CNTN4: variants seen among roughly 807,000 people sequenced by gnomAD.
CNTN4 encodes the protein contactin-4.
Under a neutral mutation model 122.5 loss-of-function variants are expected in CNTN4, and 77 were observed. That is an observed-to-expected ratio of 0.63 (90% CI 0.52 to 0.76). The LOEUF is 0.76. CNTN4 is among the 30% of genes least tolerant of loss of function. CNTN4 has a pLI of 0.00. For synonymous variants in CNTN4, 512 were observed against 447.0 expected (o/e 1.15, Z -1.83); for missense variants, 1,256 against 1,259.1 (o/e 1.00, Z 0.04).
chr3:2,141,702 T>C lies in CNTN4; in HGVS notation c.-145+41063T>C, dbSNP rs138312906. 1.4e-3 allele frequency among the ~76,000 whole-genome samples: 210 copies of C among 152,298 alleles called. 1 individual carries two copies. Among genetic ancestry groups the C allele is most frequent in the African/African-American group, 4.6e-3 (193 of 41,582 alleles). On this transcript the variant is annotated intron_variant, in intron 2 of 24. Transcript: ENST00000418658. ...CATATTCTAAAATCATATAGCTCCC[T>C]GAGTGTCAAACTGATAACTACATAA...
intron 2 of CNTN4, among the ~76,000 whole-genome samples, chr3:2,115,066 C>G (rs2033245984): frequency 6.6e-6 from 1 of 152,196 alleles, no homozygotes; most frequent in South Asian, 2.1e-4. Context: ...AGCCCACCCT[C>G]CTAATAGGCA....
intron 3 of CNTN4, among the ~76,000 whole-genome samples, chr3:2,410,509 A>AT (rs2047190868): frequency 1.3e-5 from 2 of 152,128 alleles, no homozygotes; most frequent in Admixed American, 1.3e-4. Context: ...GTAATCCTCC[A>AT]TTTTATCCTC....
intron 6 of CNTN4, among the ~76,000 whole-genome samples, chr3:2,785,138 C>CACAT (rs140652217): frequency 0.051 from 6,890 of 136,064 alleles, 200 homozygotes; most frequent in African/African-American, 0.076. Flanking sequence ...CACACACACA[C>CACAT]ATATATATAG....
At position 3,056,289 on chromosome 3, in the gene CNTN4, C is replaced by CA; in HGVS notation, c.*70dup. On this transcript the variant is annotated 3_prime_UTR_variant, in exon 25 of 25. Transcript: ENST00000418658. Reference sequence around the variant, plus strand: ...TTTAGCTAGTTGTTTTGAAGACACCCAGTACTAAGTAATATTGTTGTTCAA... The same window carrying CA: ...TTTAGCTAGTTGTTTTGAAGACACCCAAGTACTAAGTAATATTGTTGTTCAA... The CA allele has an allele frequency of 9.1e-7, 1 of 1,096,806 alleles. No individual in the cohort carries two copies. The highest frequency in any genetic ancestry group is 1.4e-6 in the Non-Finnish European group (1 of 711,872). The allele number at this position is 1,096,806 out of a possible 1,614,324, so 67.9% of individuals were successfully genotyped here.
Position 2,430,874 on chromosome 3 carries a change from A to G in CNTN4, c.-89+91641A>G, listed in dbSNP as rs555891810. Among the ~76,000 whole-genome samples the G allele has an allele frequency of 2.6e-5, 4 of 152,292 alleles. No individual in the cohort carries two copies. In the South Asian group the frequency reaches 8.3e-4, roughly 32 times the overall value. ...CAGATGTGCTCAAATTATGCAACAGACTTATCTAAACAGCTCATGGGTCTT... is the reference window on the plus strand; with the variant it reads ...CAGATGTGCTCAAATTATGCAACAGGCTTATCTAAACAGCTCATGGGTCTT... On this transcript the variant is annotated intron_variant, in intron 3 of 24. Coordinates refer to ENST00000418658, the MANE Select transcript of CNTN4 (RefSeq NM_175607.3).
chr3:2,239,983 C>T (rs1300076804), intron 2 of CNTN4, among the ~76,000 whole-genome samples: 1 of 152,172 alleles, frequency 6.6e-6, no homozygotes, highest in Non-Finnish European at 1.5e-5. Flanking sequence ...TTTCTCTCTT[C>T]CTGCATAGGT....
intron 2 of CNTN4, among the ~76,000 whole-genome samples, chr3:2,277,524 T>C (rs2041560381): frequency 6.6e-6 from 1 of 152,202 alleles, no homozygotes; most frequent in Admixed American, 6.5e-5. Flanking sequence ...TTTATTTTTT[T>C]CTTTCTGGTC....
At chr3:2,804,737 C>CTTTAGT (rs1553643947) in intron 6 of CNTN4, among the ~76,000 whole-genome samples, 1 of 144,874 alleles carries the variant, frequency 6.9e-6, no homozygotes. Flanking sequence ...ATTTTGAGCA[C>CTTTAGT]TTTTTTTTTG....
intron 18 of CNTN4, chr3:3,037,621 C>A: frequency 2.4e-6 from 1 of 415,950 alleles, no homozygotes; most frequent in Non-Finnish European, 4.5e-6. Flanking sequence ...CACCAAGATT[C>A]TAACAGAATT....
intron 3 of CNTN4, among the ~76,000 whole-genome samples, chr3:2,364,295 C>T (rs569083268): frequency 2.8e-4 from 43 of 152,066 alleles, no homozygotes; most frequent in Non-Finnish European, 5.7e-4. Context: ...TTATAAGGTG[C>T]CTAGCAGAGT....
intron 13 of CNTN4, among the ~76,000 whole-genome samples, chr3:2,941,442 C>G (rs907821642): frequency 1.3e-5 from 2 of 152,206 alleles, no homozygotes; most frequent in Non-Finnish European, 2.9e-5. Context: ...CCACCAGTCT[C>G]CACCCTGAAC....
chr3:2,748,238 A>C (rs189487210), intron 6 of CNTN4, among the ~76,000 whole-genome samples: 1 of 152,312 alleles, frequency 6.6e-6, no homozygotes, highest in Non-Finnish European at 1.5e-5. Flanking sequence ...TTGCAACTTT[A>C]TTTTAAACAT....
chr3:2,880,622 C>G (rs923575115), intron 8 of CNTN4, among the ~76,000 whole-genome samples: 2 of 152,216 alleles, frequency 1.3e-5, no homozygotes, highest in Admixed American at 6.5e-5. Flanking sequence ...AGAACTCAGA[C>G]AGCAGAGGCT....
At chr3:2,427,591 C>T (rs2047889582) in intron 3 of CNTN4, among the ~76,000 whole-genome samples, 1 of 152,182 alleles carries the variant, frequency 6.6e-6, no homozygotes, top group Non-Finnish European at 1.5e-5. Context: ...ATTAGGTCCG[C>T]TTGGTGCAGA....
intron 4 of CNTN4, among the ~76,000 whole-genome samples, chr3:2,696,836 G>A (rs1949344): frequency 0.19 from 28,577 of 151,680 alleles, 2,940 homozygotes; most frequent in South Asian, 0.4. Flanking sequence ...TTTCATAAGA[G>A]TTGTGTCTCA....
At chr3:2,602,583 T>C (rs2149756793) in intron 4 of CNTN4, among the ~76,000 whole-genome samples, 1 of 152,090 alleles carries the variant, frequency 6.6e-6, no homozygotes, top group African/African-American at 2.4e-5. Flanking sequence ...CTCAACAAAA[T>C]AAAAGAGGAC....
chr3:2,305,144 C>G (rs996717744), intron 2 of CNTN4, among the ~76,000 whole-genome samples: 1 of 152,068 alleles, frequency 6.6e-6, no homozygotes, highest in African/African-American at 2.4e-5. Flanking sequence ...TGAAAAATCG[C>G]TGTATGAATG....
At chr3:2,411,285 A>G (rs1384616091) in intron 3 of CNTN4, among the ~76,000 whole-genome samples, 2 of 152,212 alleles carry the variant, frequency 1.3e-5, no homozygotes, top group South Asian at 4.1e-4. Flanking sequence ...ACATTTACTT[A>G]TGTAACAAAC....
At chr3:2,485,757 G>C (rs956424144) in intron 3 of CNTN4, among the ~76,000 whole-genome samples, 8 of 152,168 alleles carry the variant, frequency 5.3e-5, no homozygotes, top group African/African-American at 1.9e-4. Context: ...GCACCAATCA[G>C]TGCTCTGTGT....
Sources: allele counts gnomAD v4.1 joint callset (sites outside exome capture counted in the v4.1 genomes callset), GRCh38; gene constraint gnomAD v4.1.1; transcripts MANE v1.5; gene names NCBI Gene and HGNC (gene_info 2026-07-23, HGNC 2026-07-21).